The following B3GALT1 variants were observed in gnomAD, a reference collection of about 807,000 sequenced individuals.
The protein encoded by B3GALT1 is UDP-Gal:betaGlcNAc beta 1,3-galactosyltransferase, polypeptide 1.
A neutral mutation model predicts 23.2 loss-of-function variants in B3GALT1; 10 were observed. The ratio of observed to expected loss-of-function variants is 0.43; its 90% CI spans 0.27 to 0.73. The LOEUF (loss-of-function observed/expected upper bound fraction) is 0.73. B3GALT1 is among the 30% of genes least tolerant of loss of function. The pLI is 0.21. For missense variants in B3GALT1, 299 were observed against 405.4 expected, an observed-to-expected ratio of 0.74 and a Z score of 2.25; for synonymous variants, 156 against 141.5, an observed-to-expected ratio of 1.10 and a Z score of -0.73.
intron 2 of B3GALT1, among the ~76,000 whole-genome samples, chr2:167,608,481 T>A (rs1277175899): frequency 1.3e-5 from 2 of 152,150 alleles, no homozygotes; most frequent in Admixed American, 1.3e-4. Flanking sequence ...AATTTAGGTG[T>A]TTTGATACCT....
chr2:167,565,688 G>A (rs188465155), intron 2 of B3GALT1, among the ~76,000 whole-genome samples: 9 of 152,286 alleles, frequency 5.9e-5, no homozygotes, highest in Admixed American at 5.2e-4. Flanking sequence ...CAAAAAGTGG[G>A]CAAGGATATG....
At chr2:167,481,500 A>G (rs1467554865) in intron 1 of B3GALT1, among the ~76,000 whole-genome samples, 1 of 148,552 alleles carries the variant, frequency 6.7e-6, no homozygotes, top group Non-Finnish European at 1.5e-5. Context: ...AGAGCTGCAC[A>G]TGCTGTCACT....
At chr2:167,308,740 G>A (rs1408951834) in intron 1 of B3GALT1, among the ~76,000 whole-genome samples, 1 of 152,066 alleles carries the variant, frequency 6.6e-6, no homozygotes, top group South Asian at 2.1e-4. Context: ...ATGACATCCT[G>A]TACTTAATCT....
intron 1 of B3GALT1, among the ~76,000 whole-genome samples, chr2:167,415,445 C>G (rs144867767): frequency 7.2e-4 from 110 of 152,220 alleles, no homozygotes; most frequent in African/African-American, 2.6e-3. Flanking sequence ...TACCCAGTTT[C>G]AAATATTCTT....
intron 2 of B3GALT1, among the ~76,000 whole-genome samples, chr2:167,531,313 G>C (rs891663897): frequency 6.6e-6 from 1 of 152,150 alleles, no homozygotes; most frequent in Non-Finnish European, 1.5e-5. Flanking sequence ...GAAAAGGAAA[G>C]GGGATAGAGC....
chr2:167,579,597 A>T (rs1245422478), intron 2 of B3GALT1, among the ~76,000 whole-genome samples: 2 of 151,988 alleles, frequency 1.3e-5, no homozygotes, highest in Non-Finnish European at 2.9e-5. Context: ...TAAAGTCCTC[A>T]AAAGTAGGAA....
At chr2:167,344,874 A>G (rs1173382906) in intron 1 of B3GALT1, among the ~76,000 whole-genome samples, 2 of 152,206 alleles carry the variant, frequency 1.3e-5, no homozygotes, top group Admixed American at 6.5e-5. Context: ...ATTTTCTTCC[A>G]GTCATATGAA....
Position 167,873,439 on chromosome 2 carries a change from C to T in B3GALT1, c.*3419C>T, listed in dbSNP as rs1050257630. On this transcript the variant is annotated 3_prime_UTR_variant, in exon 5 of 5. Transcript: ENST00000392690. ...CGTGACACGATATGGGGAAAATAAACTATTTACAGAGGAGCCAAGGAAGAA... is the reference window on the plus strand; with the variant it reads ...CGTGACACGATATGGGGAAAATAAATTATTTACAGAGGAGCCAAGGAAGAA... The T allele has an allele frequency of 2.9e-4, 44 of 152,174 alleles. No individual in the cohort carries two copies. The highest frequency in any genetic ancestry group is 1.1e-3 in the African/African-American group (44 of 41,526). The allele number at this position is 152,174 out of a possible 1,614,324, so 9.4% of individuals were successfully genotyped here.
intron 3 of B3GALT1, among the ~76,000 whole-genome samples, chr2:167,700,623 G>T: frequency 6.6e-6 from 1 of 152,168 alleles, no homozygotes. Context: ...ACACCCCTTT[G>T]CTGCTATATC....
At chr2:167,672,653 A>T (rs1686352075) in intron 3 of B3GALT1, among the ~76,000 whole-genome samples, 1 of 152,174 alleles carries the variant, frequency 6.6e-6, no homozygotes, top group South Asian at 2.1e-4. Flanking sequence ...AAGTAGAGAT[A>T]ATCAAAAGTA....
At chr2:167,804,259 G>C (rs1688701885) in intron 3 of B3GALT1, among the ~76,000 whole-genome samples, 1 of 151,986 alleles carries the variant, frequency 6.6e-6, no homozygotes, top group African/African-American at 2.4e-5. Context: ...CAAAGTGCTG[G>C]GATTACAGGC....
intron 3 of B3GALT1, among the ~76,000 whole-genome samples, chr2:167,691,755 AT>A (rs1686717815): frequency 6.6e-6 from 1 of 152,202 alleles, no homozygotes; most frequent in Non-Finnish European, 1.5e-5. Context: ...TTAAACATAA[AT>A]AATTAATTTA....
chr2:167,765,050 A>G (rs1405496703), intron 3 of B3GALT1, among the ~76,000 whole-genome samples: 1 of 152,168 alleles, frequency 6.6e-6, no homozygotes, highest in African/African-American at 2.4e-5. Context: ...TCACGCTGGC[A>G]TTTTGGAAGG....
Position 167,756,222 on chromosome 2 carries a change from C to T in B3GALT1, c.-351-62450C>T, listed in dbSNP as rs570566430. Among the ~76,000 whole-genome samples, 11 of 151,370 alleles carry T rather than the reference C, an allele frequency of 7.3e-5. No individual in the cohort carries two copies. The South Asian group carries it at 1.7e-3, about 23-fold the overall frequency. ...TATACCAACAACTTCTAATTCTCTA[C>T]TTCCAACTGCTAAGATATTCCAAAG... On this transcript the variant is annotated intron_variant, in intron 3 of 4. Coordinates refer to ENST00000392690, the MANE Select transcript of B3GALT1 (RefSeq NM_020981.4).
chr2:167,606,403 A>G (rs1050894037), intron 2 of B3GALT1, among the ~76,000 whole-genome samples: 2 of 152,224 alleles, frequency 1.3e-5, no homozygotes, highest in African/African-American at 4.8e-5. Flanking sequence ...TGAAAAAATT[A>G]TATCATTAAA....
chr2:167,615,147 T>C (rs1015317573), intron 2 of B3GALT1, among the ~76,000 whole-genome samples: 1 of 152,062 alleles, frequency 6.6e-6, no homozygotes, highest in African/African-American at 2.4e-5. Context: ...AAGCAAGGTA[T>C]GAATAGATGA....
chr2:167,853,319 C>G (rs1003129321), intron 4 of B3GALT1, among the ~76,000 whole-genome samples: 5 of 152,110 alleles, frequency 3.3e-5, no homozygotes, highest in African/African-American at 1.2e-4. Flanking sequence ...CATTGAATGT[C>G]TCTCCCCCAC....
intron 2 of B3GALT1, among the ~76,000 whole-genome samples, chr2:167,497,054 T>TA (rs71749338): frequency 5.1e-4 from 77 of 151,112 alleles, no homozygotes; most frequent in African/African-American, 1.6e-3. Context: ...TAAACTATAA[T>TA]AAAAAAAAAG....
In B3GALT1 at chr2:167,767,807, C is replaced by T. The variant is rs558648697; in HGVS notation, c.-351-50865C>T. On this transcript the variant is annotated intron_variant, in intron 3 of 4. Transcript: ENST00000392690. ...AGGAAAGTTTTCTACAGAACGAATA[C>T]AATATATATAAAGAAATTTATTATA... 3.9e-5 allele frequency among the ~76,000 whole-genome samples: 6 copies of T among 152,112 alleles called. No homozygotes were observed. In the East Asian group the frequency reaches 9.7e-4, roughly 25 times the overall value.
Sources: gnomAD v4.1 joint callset for allele counts (sites outside exome capture counted in the v4.1 genomes callset) on GRCh38, gnomAD v4.1.1 for gene constraint, MANE v1.5 for transcripts, NCBI Gene and HGNC (gene_info 2026-07-23, HGNC 2026-07-21) for gene names.